Variants in CTNND2 observed in about 807,000 individuals in gnomAD.
The protein encoded by CTNND2 is catenin delta 2, also known as catenin delta-2.
Under a neutral mutation model 144.4 loss-of-function variants are expected in CTNND2, and 22 were observed. The ratio of observed to expected loss-of-function variants is 0.15; its 90% CI spans 0.11 to 0.22. CTNND2 has a LOEUF of 0.22. Among genes scored for constraint, CTNND2 ranks in the 10% least tolerant of loss-of-function variants. CTNND2 has a pLI of 1.00. For missense variants in CTNND2, 1,353 were observed against 1,618.8 expected (o/e 0.84, Z 2.82); for synonymous variants, 751 against 695.6 (o/e 1.08, Z -1.25).
At chr5:11,465,681 C>T (rs1766608932) in intron 3 of CTNND2, among the ~76,000 whole-genome samples, 1 of 152,142 alleles carries the variant, frequency 6.6e-6, no homozygotes. Context: ...GGCACAGACC[C>T]TGAAAATATT....
intron 9 of CTNND2, among the ~76,000 whole-genome samples, chr5:11,316,506 T>A (rs1580885196): frequency 7.5e-6 from 1 of 133,992 alleles, no homozygotes; most frequent in Non-Finnish European, 1.6e-5. Context: ...TTATTATTAT[T>A]ATACTTTAAG....
chr5:11,705,079 GAA>G (rs1785630478), intron 2 of CTNND2, among the ~76,000 whole-genome samples: 1 of 152,024 alleles, frequency 6.6e-6, no homozygotes, highest in African/African-American at 2.4e-5. Flanking sequence ...AGAAGGGAAA[GAA>G]AAAATAGCCA....
intron 9 of CTNND2, among the ~76,000 whole-genome samples, chr5:11,321,595 A>G (rs887674248): frequency 6.6e-6 from 1 of 152,184 alleles, no homozygotes; most frequent in African/African-American, 2.4e-5. Flanking sequence ...TGAAGTAGGG[A>G]TTGTGAGAAG....
At chr5:11,860,489 A>C (rs1795450640) in intron 1 of CTNND2, among the ~76,000 whole-genome samples, 1 of 152,220 alleles carries the variant, frequency 6.6e-6, no homozygotes, top group African/African-American at 2.4e-5. Flanking sequence ...TAGTATCTTA[A>C]TTGGATTTCA....
chr5:11,576,651 T>C (rs1777991752), intron 2 of CTNND2, among the ~76,000 whole-genome samples: 1 of 152,112 alleles, frequency 6.6e-6, no homozygotes, highest in African/African-American at 2.4e-5. Context: ...AAAAATAAAC[T>C]CAGTCATAAA....
At chr5:11,029,374 C>G (rs1262210358) in intron 16 of CTNND2, among the ~76,000 whole-genome samples, 1 of 152,104 alleles carries the variant, frequency 6.6e-6, no homozygotes, top group Non-Finnish European at 1.5e-5. Context: ...ATTTCCTGCA[C>G]CACTATCTCC....
intron 16 of CTNND2, among the ~76,000 whole-genome samples, chr5:11,075,811 G>C (rs972320724): frequency 6.6e-6 from 1 of 152,248 alleles, no homozygotes; most frequent in Non-Finnish European, 1.5e-5. Flanking sequence ...AGTTTGATTA[G>C]AGTCTGGATT....
intron 18 of CTNND2, among the ~76,000 whole-genome samples, chr5:11,001,774 A>G (rs1739989782): frequency 6.6e-6 from 1 of 152,256 alleles, no homozygotes; most frequent in African/African-American, 2.4e-5. Context: ...CCTAACAACA[A>G]TCACAAGAAA....
intron 16 of CTNND2, among the ~76,000 whole-genome samples, chr5:11,066,020 C>T (rs1399372750): frequency 6.7e-6 from 1 of 149,950 alleles, no homozygotes; most frequent in African/African-American, 2.5e-5. Flanking sequence ...TTCAAAAGAA[C>T]CTTGGTCTCC....
At chr5:11,486,829 A>G (rs1047210319) in intron 3 of CTNND2, among the ~76,000 whole-genome samples, 14 of 152,332 alleles carry the variant, frequency 9.2e-5, no homozygotes, top group African/African-American at 3.4e-4. Flanking sequence ...ATAATTTAAA[A>G]TTGATAATAT....
chr5:11,301,794 C>G (rs1749636902), intron 9 of CTNND2, among the ~76,000 whole-genome samples: 3 of 152,168 alleles, frequency 2.0e-5, no homozygotes, highest in Admixed American at 6.5e-5. Context: ...AAATTCTGTT[C>G]TTTTTTGCCC....
chr5:11,639,706 T>C (rs1353925381), intron 2 of CTNND2, among the ~76,000 whole-genome samples: 1 of 152,192 alleles, frequency 6.6e-6, no homozygotes, highest in Non-Finnish European at 1.5e-5. Flanking sequence ...ATACCATTTC[T>C]CAAAATTATA....
At chr5:11,418,413 A>G (rs1762081727) in intron 3 of CTNND2, among the ~76,000 whole-genome samples, 1 of 152,126 alleles carries the variant, frequency 6.6e-6, no homozygotes, top group Non-Finnish European at 1.5e-5. Context: ...TCTCAAAAAC[A>G]AAACAAAACA....
chr5:11,367,989 T>C (rs1449827183), intron 7 of CTNND2, among the ~76,000 whole-genome samples: 1 of 152,196 alleles, frequency 6.6e-6, no homozygotes, highest in Non-Finnish European at 1.5e-5. Flanking sequence ...GCTCTTCCTA[T>C]TTCTTCTCTT....
intron 16 of CTNND2, among the ~76,000 whole-genome samples, chr5:11,056,482 T>G (rs1746362256): frequency 6.6e-6 from 1 of 152,208 alleles, no homozygotes. Flanking sequence ...AAATTATTAT[T>G]TTGTTATTAT....
intron 9 of CTNND2, among the ~76,000 whole-genome samples, chr5:11,313,192 G>A (rs112374273): frequency 0.012 from 1,801 of 152,244 alleles, 31 homozygotes; most frequent in African/African-American, 0.04. Context: ...TTTCAACTCC[G>A]TCACAAGAAG....
chr5:11,497,518 GT>G (rs376237526), intron 3 of CTNND2, among the ~76,000 whole-genome samples: 1,194 of 49,464 alleles, frequency 0.024, 124 homozygotes, highest in African/African-American at 0.086. Flanking sequence ...GTGCGGGGGG[GT>G]GGGGGGGGGC....
intron 2 of CTNND2, among the ~76,000 whole-genome samples, chr5:11,588,228 GT>G (rs1248939063): frequency 6.6e-6 from 1 of 151,718 alleles, no homozygotes; most frequent in African/African-American, 2.4e-5. Context: ...ACTTCACATG[GT>G]GACTCTGGTT....
chr5:11,064,203 A>G (rs148654071), intron 16 of CTNND2, among the ~76,000 whole-genome samples: 2,386 of 152,286 alleles, frequency 0.016, 42 homozygotes, highest in Non-Finnish European at 0.025. Flanking sequence ...CTTTTCTCCA[A>G]GTAAAGATAC....
Sources: gnomAD v4.1 joint callset for allele counts (sites outside exome capture counted in the v4.1 genomes callset) on GRCh38, gnomAD v4.1.1 for gene constraint, MANE v1.5 for transcripts, NCBI Gene and HGNC (gene_info 2026-07-23, HGNC 2026-07-21) for gene names.